Variants in ADAM19 observed in about 807,000 individuals in gnomAD.
ADAM19 encodes ADAM metallopeptidase domain 19, also known as disintegrin and metalloproteinase domain-containing protein 19.
Under a neutral mutation model 114.7 loss-of-function variants are expected in ADAM19, and 65 were observed. The ratio of observed to expected loss-of-function variants is 0.57; its 90% CI spans 0.46 to 0.70. The LOEUF (loss-of-function observed/expected upper bound fraction) is 0.70. Among genes scored for constraint, ADAM19 ranks in the 30% least tolerant of loss-of-function variants. ADAM19 has a pLI of 0.00. For missense variants in ADAM19, 1,063 were observed against 1,204.7 expected (o/e 0.88, Z 1.74); for synonymous variants, 466 against 460.5 (o/e 1.01, Z -0.15).
chr5:157,515,909 G>A (rs1444955779), intron 7 of ADAM19, among the ~76,000 whole-genome samples: 1 of 152,148 alleles, frequency 6.6e-6, no homozygotes, highest in Non-Finnish European at 1.5e-5. Flanking sequence ...CCTAGGCCCA[G>A]GGAGCGAGGA....
intron 13 of ADAM19, among the ~76,000 whole-genome samples, chr5:157,498,691 T>C (rs1453395504): frequency 9.2e-6 from 1 of 108,666 alleles, no homozygotes; most frequent in Non-Finnish European, 2.0e-5. Context: ...TGTGTATGTA[T>C]ATATATATAT....
intron 2 of ADAM19, among the ~76,000 whole-genome samples, chr5:157,565,212 C>T (rs779558526): frequency 2.6e-5 from 4 of 151,922 alleles, no homozygotes; most frequent in African/African-American, 9.7e-5. Flanking sequence ...TGTTCGACAT[C>T]GCTAATAAAC....
chr5:157,503,228 A>C (rs1755625583), intron 11 of ADAM19, among the ~76,000 whole-genome samples: 1 of 152,208 alleles, frequency 6.6e-6, no homozygotes, highest in Admixed American at 6.5e-5. Context: ...CATTCTCAGC[A>C]AACTATTGCA....
At chr5:157,481,065 G>A (rs752484517) in intron 22 of ADAM19, 63 bp from the exon 23 acceptor site, 60 of 1,607,460 alleles carry the variant, frequency 3.7e-5, no homozygotes, top group Non-Finnish European at 4.7e-5. Flanking sequence ...GGGATCAAGG[G>A]GGCAGCCATC....
intron 14 of ADAM19, among the ~76,000 whole-genome samples, chr5:157,495,428 A>G (rs1378145957): frequency 2.0e-5 from 3 of 152,188 alleles, no homozygotes; most frequent in Non-Finnish European, 4.4e-5. Flanking sequence ...TAGGTCATAC[A>G]TGCATAATAT....
In ADAM19 at chr5:157,505,602, C is replaced by A. The variant is rs561620579; in HGVS notation, c.1130+67G>T. 9 of 1,538,580 alleles carry A rather than the reference C, an allele frequency of 5.8e-6. No individual in the cohort carries two copies. Among genetic ancestry groups the A allele is most frequent in the African/African-American group, 2.7e-5 (2 of 73,086 alleles). Reference sequence around the variant, plus strand: ...TCTCAGTGGGGCCAGCTGGGAGGAACCCCTGGGTCACACTGTCCAGGTGTG... The same window carrying A: ...TCTCAGTGGGGCCAGCTGGGAGGAAACCCTGGGTCACACTGTCCAGGTGTG... On this transcript the variant is annotated intron_variant, in intron 11 of 22. Coordinates refer to ENST00000257527, the MANE Select transcript of ADAM19 (RefSeq NM_033274.5).
intron 5 of ADAM19, among the ~76,000 whole-genome samples, chr5:157,529,562 G>A (rs577409180): frequency 3.9e-5 from 6 of 152,198 alleles, no homozygotes; most frequent in African/African-American, 7.2e-5. Flanking sequence ...GTAGGTCTGC[G>A]TGGAACCTGA....
At chr5:157,549,892 A>G (rs1430878741) in intron 3 of ADAM19, among the ~76,000 whole-genome samples, 2 of 152,220 alleles carry the variant, frequency 1.3e-5, no homozygotes, top group South Asian at 2.1e-4. Flanking sequence ...AAAATGTGGT[A>G]TATCTATATA....
intron 21 of ADAM19, among the ~76,000 whole-genome samples, chr5:157,484,342 A>G (rs1754859423): frequency 6.6e-6 from 1 of 152,230 alleles, no homozygotes; most frequent in African/African-American, 2.4e-5. Flanking sequence ...TCACTGATAC[A>G]TCTTTGGCTT....
intron 21 of ADAM19, among the ~76,000 whole-genome samples, chr5:157,483,737 G>T (rs775653704): frequency 6.6e-6 from 1 of 151,320 alleles, no homozygotes; most frequent in Non-Finnish European, 1.5e-5. Context: ...GAGTTCAAAC[G>T]ATTCTCTTGC....
At chr5:157,481,504 G>A in intron 22 of ADAM19, 5 of 1,091,558 alleles carry the variant, frequency 4.6e-6, no homozygotes, top group Non-Finnish European at 3.8e-6. Context: ...TACAAATGAG[G>A]AAACAGACTC....
rs1465045792 is a variant in ADAM19 at position 157,478,737 on chromosome 5, T to C, written c.*2212A>G. 1.0e-6 allele frequency: 1 copy of C among 985,674 alleles called. No homozygotes were observed. Among genetic ancestry groups the C allele is most frequent in the African/African-American group, 1.7e-5 (1 of 57,208 alleles). 61.1% of individuals were successfully genotyped at this position (985,674 alleles called of 1,614,324 possible). ...TCTTCCAGTTCACAGTACAACTTTA[T>C]GGGATGGAGGTGATATGAAAATAAT... On this transcript the variant is annotated 3_prime_UTR_variant, in exon 23 of 23. Coordinates refer to ENST00000257527, the MANE Select transcript of ADAM19 (RefSeq NM_033274.5).
chr5:157,564,902 T>TA (rs1757613421), intron 2 of ADAM19, among the ~76,000 whole-genome samples: 1 of 152,194 alleles, frequency 6.6e-6, no homozygotes, highest in Non-Finnish European at 1.5e-5. Flanking sequence ...TTGAGTGAGA[T>TA]AATGAGCATA....
intron 3 of ADAM19, among the ~76,000 whole-genome samples, 188 bp downstream of exon 3, chr5:157,564,185 G>A (rs1447454468): frequency 6.6e-6 from 1 of 152,208 alleles, no homozygotes; most frequent in Non-Finnish European, 1.5e-5. Context: ...TAGCAGTCCA[G>A]CAATCTCACA....
chr5:157,490,233 C>G, intron 19 of ADAM19, 77 bp downstream of exon 19: 1 of 1,550,396 alleles, frequency 6.4e-7, no homozygotes, highest in Non-Finnish European at 8.9e-7. Context: ...ATCACCAACA[C>G]TTTTGCTAAG....
intron 3 of ADAM19, among the ~76,000 whole-genome samples, chr5:157,539,458 T>C (rs1487255764): frequency 6.6e-6 from 1 of 152,190 alleles, no homozygotes; most frequent in Non-Finnish European, 1.5e-5. Context: ...AGAATTCCTC[T>C]AGAGTCACTT....
chr5:157,537,506 T>A (rs1360888737), intron 4 of ADAM19, among the ~76,000 whole-genome samples: 1 of 152,164 alleles, frequency 6.6e-6, no homozygotes, highest in East Asian at 1.9e-4. Context: ...TGATTACAAC[T>A]CTGTAAATGT....
intron 3 of ADAM19, among the ~76,000 whole-genome samples, chr5:157,543,817 G>A (rs1050098937): frequency 2.0e-5 from 3 of 151,976 alleles, no homozygotes; most frequent in Admixed American, 6.6e-5. Context: ...GGACAGACAG[G>A]TACTGGAAAG....
At chr5:157,550,332 A>AGTGT (rs1292866555) in intron 3 of ADAM19, among the ~76,000 whole-genome samples, 2 of 152,152 alleles carry the variant, frequency 1.3e-5, no homozygotes, top group Non-Finnish European at 2.9e-5. Context: ...ATTCTCCCAG[A>AGTGT]GTGTGTGTCT....
Sources: gnomAD v4.1 joint callset for allele counts (sites outside exome capture counted in the v4.1 genomes callset) on GRCh38, gnomAD v4.1.1 for gene constraint, MANE v1.5 for transcripts, NCBI Gene and HGNC (gene_info 2026-07-23, HGNC 2026-07-21) for gene names.